GARIN6: variants seen among roughly 807,000 people sequenced by gnomAD.
GARIN6 encodes the protein golgi associated RAB2 interactor family member 6, also known as Golgi-associated RAB2 interactor protein 6.
At chr12:99,648,398 G>A in the GARIN6 span, 35 of 1,614,010 alleles carry the variant, frequency 2.2e-5, no homozygotes, top group Middle Eastern at 1.6e-4. Flanking sequence ...GGCATCGTTC[G>A]CACCAGCCCC....
the GARIN6 span, chr12:99,647,763 G>C: frequency 5.2e-6 from 1 of 193,710 alleles, no homozygotes. Flanking sequence ...AGCAGTGGAT[G>C]GTTCAGGTTG....
At chr12:99,649,395 A>G in the GARIN6 span, 2 of 1,611,876 alleles carry the variant, frequency 1.2e-6, no homozygotes, top group Non-Finnish European at 8.5e-7. Context: ...CAATAGAGAT[A>G]TGAATCCAAC....
chr12:99,648,860 T>C, the GARIN6 span: 2 of 1,501,728 alleles, frequency 1.3e-6, no homozygotes, highest in African/African-American at 1.4e-5. Context: ...CTGTAAAGCC[T>C]TTGGTGCTGC....
At chr12:99,648,023 T>C in the GARIN6 span, 2 of 1,066,108 alleles carry the variant, frequency 1.9e-6, no homozygotes, top group Non-Finnish European at 2.6e-6. Context: ...CCACCCTCCC[T>C]GTTCTCAGTC....
the GARIN6 span, chr12:99,648,908 A>C: frequency 1.5e-6 from 2 of 1,368,162 alleles, no homozygotes; most frequent in African/African-American, 1.5e-5. Context: ...GGAAGGTCTG[A>C]AGGCCAAATG....
At chr12:99,648,710 C>T in the GARIN6 span, 9 of 1,614,098 alleles carry the variant, frequency 5.6e-6, no homozygotes, top group Middle Eastern at 1.7e-4. Context: ...CCAGTGGAGG[C>T]TTACAGTGAT....
the GARIN6 span, chr12:99,648,130 A>G: frequency 1.9e-6 from 3 of 1,575,600 alleles, no homozygotes; most frequent in Non-Finnish European, 2.6e-6. Flanking sequence ...ATGTTAAGGA[A>G]GGTGTGGAGC....
chr12:99,648,728 C>A, the GARIN6 span: 3 of 1,613,922 alleles, frequency 1.9e-6, no homozygotes, highest in Admixed American at 5.0e-5. Context: ...GATACCAGGG[C>A]TATCCTAGCT....
the GARIN6 span, chr12:99,648,878 C>G: frequency 6.8e-7 from 1 of 1,460,668 alleles, no homozygotes; most frequent in Non-Finnish European, 9.1e-7. Flanking sequence ...TGCAGCTCAC[C>G]TGGGAAATGC....
the GARIN6 span, chr12:99,648,546 G>T: frequency 1.2e-6 from 2 of 1,614,154 alleles, no homozygotes; most frequent in South Asian, 1.1e-5. Context: ...TTCCCTTGAT[G>T]TTTGTGAAAA....
the GARIN6 span, among the ~76,000 whole-genome samples, chr12:99,649,072 A>G: frequency 2.0e-5 from 3 of 152,170 alleles, no homozygotes; most frequent in Non-Finnish European, 2.9e-5. Context: ...ATGCTGTCCA[A>G]AGCATCCTGA....
the GARIN6 span, chr12:99,648,289 A>G: frequency 6.2e-7 from 1 of 1,614,210 alleles, no homozygotes; most frequent in Non-Finnish European, 8.5e-7. Context: ...CGAGTATACT[A>G]TATTCAGGTA....
At chr12:99,648,337 A>G in the GARIN6 span, 1 of 1,614,194 alleles carries the variant, frequency 6.2e-7, no homozygotes, top group Non-Finnish European at 8.5e-7. Flanking sequence ...CCAGATCAGC[A>G]AAAGAGGAGA....
At chr12:99,649,434 G>A in the GARIN6 span, 1 of 1,520,784 alleles carries the variant, frequency 6.6e-7, no homozygotes. Flanking sequence ...ACGTTCAAGA[G>A]TTCACACACC....
chr12:99,649,359 G>T, the GARIN6 span: 1 of 1,614,144 alleles, frequency 6.2e-7, no homozygotes, highest in Non-Finnish European at 8.5e-7. Flanking sequence ...ATGCTGAAAT[G>T]TTTGGGTCCA....
the GARIN6 span, chr12:99,649,416 C>G: frequency 6.3e-7 from 1 of 1,579,294 alleles, no homozygotes; most frequent in South Asian, 1.1e-5. Flanking sequence ...ATACCTCCCA[C>G]ATATACTACG....
the GARIN6 span, chr12:99,648,247 A>G: frequency 1.2e-6 from 2 of 1,614,234 alleles, no homozygotes; most frequent in Non-Finnish European, 8.5e-7. Flanking sequence ...TAACACCTCC[A>G]TGGGGAAGCT....
At chr12:99,648,353 T>G in the GARIN6 span, 1 of 1,614,140 alleles carries the variant, frequency 6.2e-7, no homozygotes, top group Non-Finnish European at 8.5e-7. Context: ...GGAGAAGTGA[T>G]TGACGTGCAC....
At chr12:99,648,694 A>G in the GARIN6 span, 3 of 1,614,170 alleles carry the variant, frequency 1.9e-6, no homozygotes, top group Non-Finnish European at 2.5e-6. Flanking sequence ...TTACATCCTG[A>G]GACCACCAGT....
Sources: allele counts gnomAD v4.1 joint callset (sites outside exome capture counted in the v4.1 genomes callset), GRCh38; gene constraint gnomAD v4.1.1; transcripts MANE v1.5; gene names NCBI Gene and HGNC (gene_info 2026-07-23, HGNC 2026-07-21).